The following OSBPL10 variants were observed in gnomAD, a reference collection of about 807,000 sequenced individuals.
OSBPL10 encodes the protein oxysterol binding protein like 10, also known as oxysterol-binding protein-related protein 10.
A neutral mutation model predicts 81.7 loss-of-function variants in OSBPL10; 49 were observed. The ratio of observed to expected loss-of-function variants is 0.60; its 90% CI spans 0.48 to 0.76. The LOEUF (loss-of-function observed/expected upper bound fraction) is 0.76, where lower values mean the gene tolerates loss of function less well. Ranked by LOEUF, OSBPL10 falls within the 30% of genes least tolerant of loss-of-function variation. OSBPL10 has a pLI of 0.00. For missense variants in OSBPL10, 923 were observed against 987.8 expected (o/e 0.93, Z 0.88); for synonymous variants, 419 against 383.6 (o/e 1.09, Z -1.08).
intron 5 of OSBPL10, among the ~76,000 whole-genome samples, chr3:31,733,691 T>C (rs983970930): frequency 6.3e-5 from 7 of 110,890 alleles, no homozygotes; most frequent in African/African-American, 2.9e-4. Context: ...AGGTGTTTTT[T>C]TTTTTTTTTT....
Position 31,830,092 on chromosome 3 carries a change from G to A in OSBPL10, c.677C>T (p.Ala226Val). Reference protein sequence around the residue: ...VTITHHKSPAAARRAKSQYSG... With the variant: ...VTITHHKSPAVARRAKSQYSG... ...ATACTGACTCTTGGCTCTTCGGGCG[G>A]CTGCAGGCGACTTGTGATGCGTGAT... is the stretch of plus-strand genomic sequence containing the variant. The change falls in exon 4 of 12, where the codon GCC becomes GTC. Residue 226 changes from alanine to valine, a missense_variant. Transcript: ENST00000396556. The A allele has an allele frequency of 6.2e-7, 1 of 1,614,080 alleles. No individual in the cohort carries two copies. Among genetic ancestry groups the A allele is most frequent in the South Asian group, 1.1e-5 (1 of 91,066 alleles).
intron 2 of OSBPL10, among the ~76,000 whole-genome samples, chr3:32,000,778 C>A (rs1000405524): frequency 6.6e-6 from 1 of 152,180 alleles, no homozygotes; most frequent in Non-Finnish European, 1.5e-5. Context: ...GCTCAGCACT[C>A]TCCCCCTTCT....
chr3:31,976,070 C>G (rs1698689196), intron 1 of OSBPL10, among the ~76,000 whole-genome samples: 1 of 152,056 alleles, frequency 6.6e-6, no homozygotes, highest in Non-Finnish European at 1.5e-5. Flanking sequence ...TAAAAGGATC[C>G]CTTCAAAATG....
At chr3:31,829,045 C>A (rs777867688) in intron 4 of OSBPL10, among the ~76,000 whole-genome samples, 1 of 152,164 alleles carries the variant, frequency 6.6e-6, no homozygotes, top group Admixed American at 6.5e-5. Flanking sequence ...GATTCAGAAC[C>A]AAGATAGTCA....
intron 1 of OSBPL10, among the ~76,000 whole-genome samples, chr3:31,946,956 G>A (rs1435311341): frequency 6.6e-6 from 1 of 152,192 alleles, no homozygotes; most frequent in Admixed American, 6.5e-5. Flanking sequence ...AGGAGGAGCA[G>A]ACCAGAGAGG....
Position 31,981,007 on chromosome 3 carries a change from G to T in OSBPL10, c.173C>A (p.Pro58Gln), listed in dbSNP as rs777988395. 7 of 1,486,770 alleles carry T rather than the reference G, an allele frequency of 4.7e-6. No homozygotes were observed. The highest frequency in any genetic ancestry group is 6.2e-6 in the Non-Finnish European group (7 of 1,122,608). The allele number at this position is 1,486,770 out of a possible 1,614,324, so 92.1% of individuals were successfully genotyped here. Residue 58 changes from proline to glutamine, a missense_variant, in exon 1 of 12, where the codon CCG (proline) becomes CAG (glutamine). By Grantham distance (76) the Pro-to-Gln change is moderately conservative (BLOSUM62 -1). This residue lies in a region of OSBPL10 where 514 missense variants were observed against 508.0 expected (regional missense o/e 1.01). Coordinates refer to ENST00000396556, the MANE Select transcript of OSBPL10 (RefSeq NM_017784.5). The surrounding 1 kb of genome is among the most constrained non-coding windows in gnomAD (Gnocchi z 4.5). The part of the protein sequence containing the change: ...GLGGGGSRSS[P>Q]GSVAASPSGG... ...GGACGGGCTAGCGGCCACAGAGCCC[G>T]GGCTGCTGCGGCTTCCCCCGCCGCC...
At chr3:31,903,600 G>A (rs552423879) in intron 1 of OSBPL10, among the ~76,000 whole-genome samples, 42 of 152,100 alleles carry the variant, frequency 2.8e-4, no homozygotes, top group Non-Finnish European at 3.1e-4. Context: ...CAAAGTGCTG[G>A]GATTATAGGC....
chr3:31,896,293 G>T (rs1008837272), intron 1 of OSBPL10, among the ~76,000 whole-genome samples: 1 of 152,200 alleles, frequency 6.6e-6, no homozygotes. Flanking sequence ...GACTGTGTAA[G>T]ATTATATCCC....
chr3:32,029,629 T>C (rs756010547), intron 2 of OSBPL10, among the ~76,000 whole-genome samples: 7 of 152,190 alleles, frequency 4.6e-5, no homozygotes, highest in Non-Finnish European at 1.0e-4. Flanking sequence ...AGGCCATTGA[T>C]ATACTTCACT....
At chr3:31,930,414 C>G (rs1314767303) in intron 1 of OSBPL10, among the ~76,000 whole-genome samples, 35 of 152,100 alleles carry the variant, frequency 2.3e-4, no homozygotes, top group Admixed American at 2.3e-3. Flanking sequence ...CAACATATAT[C>G]AAAATTTAAA....
At chr3:31,913,270 A>T (rs1696645905) in intron 1 of OSBPL10, among the ~76,000 whole-genome samples, 1 of 150,206 alleles carries the variant, frequency 6.7e-6, no homozygotes, top group Non-Finnish European at 1.5e-5. Context: ...TTTCTTTAAG[A>T]TGGAGTCTCT....
At chr3:32,008,451 C>T (rs1487144685) in intron 2 of OSBPL10, among the ~76,000 whole-genome samples, 1 of 151,784 alleles carries the variant, frequency 6.6e-6, no homozygotes, top group Non-Finnish European at 1.5e-5. Context: ...CCGCGTCCAG[C>T]CTGAAATATT....
intron 5 of OSBPL10, among the ~76,000 whole-genome samples, chr3:31,747,013 G>T (rs1286738830): frequency 6.6e-6 from 1 of 152,064 alleles, no homozygotes; most frequent in East Asian, 1.9e-4. Flanking sequence ...GGGAGCTTTT[G>T]CCTTAAAATG....
At chr3:31,701,977 C>T (rs140050036) in intron 7 of OSBPL10, 3 of 170,070 alleles carry the variant, frequency 1.8e-5, no homozygotes, top group African/African-American at 7.1e-5. Context: ...CCCATCTTTT[C>T]CCTCTATGGC....
chr3:31,747,487 TAAAA>T (rs61150758), intron 5 of OSBPL10, among the ~76,000 whole-genome samples: 115 of 98,498 alleles, frequency 1.2e-3, no homozygotes, highest in African/African-American at 4.0e-3. Flanking sequence ...AATCTTCAAA[TAAAA>T]AAAAAAAAAA....
chr3:31,671,105 G>A (rs1700313523), intron 8 of OSBPL10, 122 bp from the exon 9 acceptor site: 7 of 919,104 alleles, frequency 7.6e-6, no homozygotes, highest in Non-Finnish European at 1.1e-5. Flanking sequence ...TCCCACCTCT[G>A]CAGAGGTGAG....
chr3:31,883,806 G>A (rs544284357), intron 1 of OSBPL10, among the ~76,000 whole-genome samples: 1 of 152,324 alleles, frequency 6.6e-6, no homozygotes, highest in South Asian at 2.1e-4. Flanking sequence ...TTACAGGCAT[G>A]AGCCACCGTG....
In OSBPL10 at chr3:31,812,747, AAAG is replaced by A. The variant is rs1699723701; in HGVS notation, c.729+17290_729+17292del. On this transcript the variant is annotated intron_variant, in intron 4 of 11. Transcript: ENST00000396556. Reference sequence around the variant, plus strand: ...GAAAGAAAGAAAGAAAGAAAGAAAGAAAGAAAGAAAGAAAGAAAGAAAGAAAGA... The same window carrying A: ...GAAAGAAAGAAAGAAAGAAAGAAAGAAAAGAAAGAAAGAAAGAAAGAAAGA... Among the ~76,000 whole-genome samples the A allele has an allele frequency of 1.7e-4, 5 of 29,814 alleles. 1 individual carries two copies. Among genetic ancestry groups the A allele is most frequent in the East Asian group, 3.2e-3 (2 of 618 alleles). 19.6% of individuals were successfully genotyped at this position (29,814 alleles called of 152,430 possible).
intron 2 of OSBPL10, among the ~76,000 whole-genome samples, chr3:32,033,642 T>A (rs1306677608): frequency 6.6e-6 from 1 of 152,158 alleles, no homozygotes; most frequent in Non-Finnish European, 1.5e-5. Flanking sequence ...CTATGATAGG[T>A]TTTATGAGAC....
Sources: gnomAD v4.1 joint callset for allele counts (sites outside exome capture counted in the v4.1 genomes callset) on GRCh38, gnomAD v4.1.1 for gene constraint, gnomAD v4.1.1 regional missense constraint, Gnocchi (gnomAD v3.1) non-coding constraint, MANE v1.5 for transcripts, NCBI Gene and HGNC (gene_info 2026-07-23, HGNC 2026-07-21) for gene names.